The following DOCK3 variants were observed in gnomAD, a reference collection of about 807,000 sequenced individuals.
DOCK3 encodes the protein dedicator of cytokinesis protein 3.
Under a neutral mutation model 265.6 loss-of-function variants are expected in DOCK3, and 60 were observed. The ratio of observed to expected loss-of-function variants is 0.23; its 90% CI spans 0.18 to 0.28. The LOEUF (loss-of-function observed/expected upper bound fraction) is 0.28. Among genes scored for constraint, DOCK3 ranks in the 10% least tolerant of loss-of-function variants. The pLI, the probability that DOCK3 is intolerant of heterozygous loss-of-function variation, is 1.00. For synonymous variants in DOCK3, 881 were observed against 938.0 expected (o/e 0.94, Z 1.11); for missense variants, 1,981 against 2,594.3 (o/e 0.76, Z 5.14).
chr3:51,284,153 C>CT (rs1280145829), intron 27 of DOCK3, among the ~76,000 whole-genome samples: 2 of 152,138 alleles, frequency 1.3e-5, no homozygotes, highest in African/African-American at 4.8e-5. Flanking sequence ...AGTGCTCCAA[C>CT]TTTTACAGCT....
intron 1 of DOCK3, among the ~76,000 whole-genome samples, chr3:50,769,571 G>A (rs1452606934): frequency 6.6e-6 from 1 of 152,110 alleles, no homozygotes; most frequent in Admixed American, 6.6e-5. Context: ...AGCACTTTGG[G>A]AGGCTGAGGG....
At chr3:51,201,507 C>A (rs1001609537) in intron 12 of DOCK3, among the ~76,000 whole-genome samples, 17 of 152,240 alleles carry the variant, frequency 1.1e-4, no homozygotes, top group African/African-American at 3.9e-4. Context: ...TACAGGAGCA[C>A]CCAGACACAT....
intron 5 of DOCK3, among the ~76,000 whole-genome samples, chr3:50,992,118 T>TA (rs1398986238): frequency 2.6e-5 from 4 of 152,200 alleles, no homozygotes; most frequent in Non-Finnish European, 5.9e-5. Context: ...TTCATAGCAC[T>TA]AAATTCCCAC....
At chr3:51,313,078 G>A (rs1183530024) in intron 31 of DOCK3, among the ~76,000 whole-genome samples, 176 bp downstream of exon 31, 1 of 152,154 alleles carries the variant, frequency 6.6e-6, no homozygotes, top group Non-Finnish European at 1.5e-5. Flanking sequence ...AAAGCCCTTG[G>A]CAAGGAGAGT....
rs1164365753 is a variant in DOCK3 at position 51,218,746 on chromosome 3, T to C, written c.1252+4499T>C. Among the ~76,000 whole-genome samples, 3 of 151,854 alleles carry C rather than the reference T, an allele frequency of 2.0e-5. No individual in the cohort carries two copies. The East Asian group carries it at 5.8e-4, about 29-fold the overall frequency. On this transcript the variant is annotated intron_variant, in intron 14 of 52. Coordinates refer to ENST00000266037, the MANE Select transcript of DOCK3 (RefSeq NM_004947.5). ...TAAGAAGTCCATCTATGATTTATTA[T>C]GTTGTTCTAATAGATGACTAAGTTT...
intron 9 of DOCK3, among the ~76,000 whole-genome samples, chr3:51,112,209 G>C (rs988335145): frequency 2.6e-5 from 4 of 152,110 alleles, no homozygotes; most frequent in Non-Finnish European, 5.9e-5. Context: ...CCATTACTGG[G>C]TACATACCCA....
At chr3:50,922,759 T>G (rs894005188) in intron 4 of DOCK3, among the ~76,000 whole-genome samples, 3 of 152,000 alleles carry the variant, frequency 2.0e-5, no homozygotes, top group African/African-American at 7.2e-5. Context: ...TTTAGTCTTT[T>G]TTTTTTTTTT....
chr3:51,203,262 GAA>G (rs1209898675), intron 12 of DOCK3, among the ~76,000 whole-genome samples: 1 of 152,112 alleles, frequency 6.6e-6, no homozygotes, highest in Non-Finnish European at 1.5e-5. Context: ...TGTATATCTA[GAA>G]AACCCCATTG....
chr3:51,323,050 G>T (rs2083847035), intron 32 of DOCK3, among the ~76,000 whole-genome samples: 1 of 151,594 alleles, frequency 6.6e-6, no homozygotes, highest in Admixed American at 6.6e-5. Context: ...AAGAGACAAA[G>T]AACTGCATTA....
intron 5 of DOCK3, among the ~76,000 whole-genome samples, chr3:51,023,770 C>A (rs1298244755): frequency 6.6e-6 from 1 of 152,058 alleles, no homozygotes; most frequent in East Asian, 1.9e-4. Context: ...CATGCATATC[C>A]TTGACTGTTT....
At chr3:50,958,441 A>G (rs949815801) in intron 5 of DOCK3, among the ~76,000 whole-genome samples, 3 of 152,186 alleles carry the variant, frequency 2.0e-5, no homozygotes, top group Non-Finnish European at 4.4e-5. Context: ...GCTCAAGGCC[A>G]ACATGTCTTT....
chr3:51,162,685 AC>A (rs751606212), intron 12 of DOCK3, among the ~76,000 whole-genome samples: 24 of 152,206 alleles, frequency 1.6e-4, no homozygotes, highest in African/African-American at 4.8e-5. Context: ...AATTTTCATT[AC>A]AGATAGGAGC....
chr3:50,906,839 TG>T (rs1407785232), intron 4 of DOCK3, among the ~76,000 whole-genome samples: 1 of 152,132 alleles, frequency 6.6e-6, no homozygotes, highest in African/African-American at 2.4e-5. Flanking sequence ...TTCTTTTAAT[TG>T]TGACGTTAGG....
intron 26 of DOCK3, among the ~76,000 whole-genome samples, chr3:51,279,713 C>A (rs571389914): frequency 2.6e-5 from 4 of 152,148 alleles, no homozygotes; most frequent in African/African-American, 4.8e-5. Flanking sequence ...CCAGCAGGAT[C>A]GGCAGAGTCC....
chr3:51,366,593 T>G (rs2087194387), intron 49 of DOCK3, among the ~76,000 whole-genome samples: 1 of 152,240 alleles, frequency 6.6e-6, no homozygotes, highest in Non-Finnish European at 1.5e-5. Flanking sequence ...GGTGTCAATT[T>G]TAGATCTTTC....
intron 25 of DOCK3, chr3:51,276,338 T>G (rs1381772154): frequency 4.2e-5 from 41 of 984,868 alleles, no homozygotes; most frequent in Non-Finnish European, 4.9e-5. Flanking sequence ...GCACATAAGA[T>G]CTACTCATAG....
At position 51,305,907 on chromosome 3, in the gene DOCK3, T is replaced by C. The variant is rs1304411864; in HGVS notation, c.2923-4325T>C. Among the ~76,000 whole-genome samples the C allele has an allele frequency of 3.0e-5, 4 of 135,028 alleles. No individual in the cohort carries two copies. In the East Asian group the frequency reaches 9.4e-4, roughly 32 times the overall value. The allele number at this position is 135,028 out of a possible 152,430, so 88.6% of individuals were successfully genotyped here. A position where few individuals can be genotyped will look rare whatever the true frequency, so the allele number is the denominator to read the frequency against. On this transcript the variant is annotated intron_variant, in intron 27 of 52. Coordinates refer to ENST00000266037, the MANE Select transcript of DOCK3 (RefSeq NM_004947.5). Reference sequence around the variant, plus strand: ...AGGCTGGGGTGCTGTGGCACAATCATAGCTCACTGCCACCACAGTCTTCCC... The same window carrying C: ...AGGCTGGGGTGCTGTGGCACAATCACAGCTCACTGCCACCACAGTCTTCCC...
At chr3:50,691,831 CAT>C (rs774922919) in intron 1 of DOCK3, among the ~76,000 whole-genome samples, 1 of 151,844 alleles carries the variant, frequency 6.6e-6, no homozygotes, top group Non-Finnish European at 1.5e-5. Flanking sequence ...AGAATCTTCT[CAT>C]GTGCTTATTG....
At chr3:50,796,095 C>T (rs1196803130) in intron 2 of DOCK3, among the ~76,000 whole-genome samples, 1 of 151,224 alleles carries the variant, frequency 6.6e-6, no homozygotes, top group Non-Finnish European at 1.5e-5. Context: ...GGCTGGAGTG[C>T]AGTGGTGTGA....
Sources: allele counts gnomAD v4.1 joint callset (sites outside exome capture counted in the v4.1 genomes callset), GRCh38; gene constraint gnomAD v4.1.1; transcripts MANE v1.5; gene names NCBI Gene and HGNC (gene_info 2026-07-23, HGNC 2026-07-21).